The following CACNA2D1 variants were observed in gnomAD, a reference collection of about 807,000 sequenced individuals.
The protein encoded by CACNA2D1 is calcium voltage-gated channel auxiliary subunit alpha2delta 1, also known as voltage-dependent calcium channel subunit alpha-2/delta-1.
CACNA2D1 carries 53 observed loss-of-function variants against 171.5 expected under a neutral mutation model. That is an observed-to-expected ratio of 0.31 (90% CI 0.25 to 0.39). The LOEUF (loss-of-function observed/expected upper bound fraction) is 0.39, where lower values mean the gene tolerates loss of function less well. CACNA2D1 is among the 10% of genes least tolerant of loss of function. The pLI is 1.00. For missense variants in CACNA2D1, 903 were observed against 1,299.8 expected, an observed-to-expected ratio of 0.69 and a Z score of 4.69; for synonymous variants, 442 against 443.1, an observed-to-expected ratio of 1.00 and a Z score of 0.03.
chr7:82,139,945 C>CTATTATTAT (rs4018980), intron 4 of CACNA2D1, among the ~76,000 whole-genome samples: 22,691 of 142,768 alleles, frequency 0.16, 2,076 homozygotes, highest in African/African-American at 0.23. Context: ...ACACACCTGG[C>CTATTATTAT]TATTATTATT....
chr7:82,320,108 C>T (rs1223597994), intron 3 of CACNA2D1, among the ~76,000 whole-genome samples: 3 of 151,868 alleles, frequency 2.0e-5, no homozygotes, highest in Non-Finnish European at 4.4e-5. Flanking sequence ...CAGATGTTTG[C>T]CCCAACCAGC....
At chr7:82,165,245 GA>G (rs1795318600) in intron 4 of CACNA2D1, among the ~76,000 whole-genome samples, 1 of 151,954 alleles carries the variant, frequency 6.6e-6, no homozygotes, top group Non-Finnish European at 1.5e-5. Flanking sequence ...GGAAGGAAGA[GA>G]AAGAAGGAAA....
At chr7:82,283,501 C>T (rs1348191757) in intron 3 of CACNA2D1, among the ~76,000 whole-genome samples, 1 of 152,100 alleles carries the variant, frequency 6.6e-6, no homozygotes, top group Non-Finnish European at 1.5e-5. Flanking sequence ...GAGTTCCTAA[C>T]AAGCAATTTC....
chr7:82,420,221 T>C (rs1249505809), intron 1 of CACNA2D1, among the ~76,000 whole-genome samples: 1 of 152,186 alleles, frequency 6.6e-6, no homozygotes, highest in African/African-American at 2.4e-5. Flanking sequence ...CTTGTCAAAA[T>C]TATGAATTGT....
chr7:82,178,794 A>G (rs1011301804), intron 3 of CACNA2D1, among the ~76,000 whole-genome samples: 5 of 152,068 alleles, frequency 3.3e-5, no homozygotes, highest in African/African-American at 1.2e-4. Flanking sequence ...CCATCATGCT[A>G]TACTCAATTC....
intron 4 of CACNA2D1, among the ~76,000 whole-genome samples, chr7:82,166,476 T>A (rs1795466306): frequency 6.6e-6 from 1 of 152,086 alleles, no homozygotes; most frequent in African/African-American, 2.4e-5. Context: ...TTTATACATG[T>A]GTAAGTACAA....
chr7:81,959,965 A>G, intron 36 of CACNA2D1, 136 bp from the exon 37 acceptor site: 1 of 1,350,622 alleles, frequency 7.4e-7, no homozygotes, highest in Non-Finnish European at 1.0e-6. Context: ...GCACAATAGG[A>G]GTATGATTTT....
In CACNA2D1 at chr7:82,059,710, G is replaced by A. The variant is rs144354144; in HGVS notation, c.879+718C>T. ...CATAGAATTATAAGAAGATCCACGC[G>A]GCACTATTCACAATAGCAAAGACTT... is the stretch of plus-strand genomic sequence containing the variant. On this transcript the variant is annotated intron_variant, in intron 10 of 38. Coordinates refer to ENST00000356860, the MANE Select transcript of CACNA2D1 (RefSeq NM_000722.4). 3.6e-4 allele frequency among the ~76,000 whole-genome samples: 54 copies of A among 151,708 alleles called. No homozygotes were observed. The East Asian group carries it at 9.4e-3, about 26-fold the overall frequency.
In CACNA2D1 at chr7:81,950,221, C is replaced by CA; in HGVS notation, c.*170dup. On this transcript the variant is annotated 3_prime_UTR_variant, in exon 39 of 39. Coordinates refer to ENST00000356860, the MANE Select transcript of CACNA2D1 (RefSeq NM_000722.4). ...CACGTTTAAGGATCTGACACCCTGA[C>CA]ATGCAGCCAGTGGGTGCCTTAGGAG... 1.8e-6 allele frequency: 2 copies of CA among 1,136,804 alleles called. No individual in the cohort carries two copies. Among genetic ancestry groups the CA allele is most frequent in the South Asian group, 2.9e-5 (2 of 68,962 alleles). The allele number at this position is 1,136,804 out of a possible 1,614,324, so 70.4% of individuals were successfully genotyped here.
chr7:82,147,688 T>C (rs1369777433), intron 4 of CACNA2D1, among the ~76,000 whole-genome samples: 1 of 152,178 alleles, frequency 6.6e-6, no homozygotes, highest in Non-Finnish European at 1.5e-5. Flanking sequence ...ATGGTAATAT[T>C]AGCCCTTCCT....
chr7:82,416,723 C>T (rs1414421592), intron 1 of CACNA2D1, among the ~76,000 whole-genome samples: 2 of 152,184 alleles, frequency 1.3e-5, no homozygotes, highest in Admixed American at 1.3e-4. Context: ...CTGATCCTAA[C>T]TAGTTACATC....
chr7:81,965,284 A>T (rs528815080), intron 32 of CACNA2D1, among the ~76,000 whole-genome samples: 8 of 152,086 alleles, frequency 5.3e-5, no homozygotes, highest in African/African-American at 1.9e-4. Flanking sequence ...ATTAAATTAG[A>T]TACCATCAAC....
chr7:81,953,315 A>G (rs1240665841), intron 38 of CACNA2D1, among the ~76,000 whole-genome samples: 1 of 152,086 alleles, frequency 6.6e-6, no homozygotes. Context: ...CATCATTCTC[A>G]GAGCAAAATC....
chr7:81,981,349 G>A (rs529317082), intron 24 of CACNA2D1, among the ~76,000 whole-genome samples: 66 of 152,280 alleles, frequency 4.3e-4, no homozygotes, highest in African/African-American at 1.4e-3. Flanking sequence ...AAAGGACAGC[G>A]TGATCAACAG....
intron 1 of CACNA2D1, among the ~76,000 whole-genome samples, chr7:82,425,628 A>G (rs1829102096): frequency 6.6e-6 from 1 of 150,724 alleles, no homozygotes; most frequent in South Asian, 2.1e-4. Flanking sequence ...TGCAGCCCCA[A>G]CGTTCAGGCT....
chr7:82,239,529 T>G (rs1804002769), intron 3 of CACNA2D1, among the ~76,000 whole-genome samples: 1 of 152,222 alleles, frequency 6.6e-6, no homozygotes, highest in Non-Finnish European at 1.5e-5. Flanking sequence ...TAAATGTATT[T>G]ATTGCAGTAA....
At chr7:82,188,010 T>C (rs146803043) in intron 3 of CACNA2D1, among the ~76,000 whole-genome samples, 3 of 152,292 alleles carry the variant, frequency 2.0e-5, no homozygotes, top group African/African-American at 4.8e-5. Context: ...CTAATCTCTA[T>C]ACCATATTTT....
At position 82,124,063 on chromosome 7, in the gene CACNA2D1, C is replaced by G. The variant is rs192836140; in HGVS notation, c.397-6890G>C. Among the ~76,000 whole-genome samples, 10 of 152,042 alleles carry G rather than the reference C, an allele frequency of 6.6e-5. No individual in the cohort carries two copies. In the East Asian group the frequency reaches 1.9e-3, roughly 29 times the overall value. The stretch of plus-strand genomic sequence containing the variant: ...AACCAAAGCAATTATGGATACAAAG[C>G]AATTAATATTCTACCTGTATGCCAT... On this transcript the variant is annotated intron_variant, in intron 5 of 38. Transcript: ENST00000356860.
chr7:82,167,016 T>A (rs914996076), intron 4 of CACNA2D1, among the ~76,000 whole-genome samples: 1 of 152,038 alleles, frequency 6.6e-6, no homozygotes, highest in African/African-American at 2.4e-5. Flanking sequence ...TAATGAAACT[T>A]GCCTACTTAC....
Sources: allele counts gnomAD v4.1 joint callset (sites outside exome capture counted in the v4.1 genomes callset), GRCh38; gene constraint gnomAD v4.1.1; transcripts MANE v1.5; gene names NCBI Gene and HGNC (gene_info 2026-07-23, HGNC 2026-07-21).